STK33: variants seen among roughly 807,000 people sequenced by gnomAD.
STK33 encodes the protein serine/threonine-protein kinase 33.
A neutral mutation model predicts 58.0 loss-of-function variants in STK33; 52 were observed. That is an observed-to-expected ratio of 0.90 (90% CI 0.72 to 1.13). The LOEUF (loss-of-function observed/expected upper bound fraction) is 1.13. Among genes scored for constraint, STK33 ranks in the 50% most tolerant of loss-of-function variants. STK33 has a pLI of 0.00. For synonymous variants in STK33, 215 were observed against 200.1 expected, an observed-to-expected ratio of 1.07 and a Z score of -0.63; for missense variants, 630 against 604.2, an observed-to-expected ratio of 1.04 and a Z score of -0.45.
intron 1 of STK33, among the ~76,000 whole-genome samples, chr11:8,561,536 T>C (rs1215865130): frequency 6.6e-6 from 1 of 152,192 alleles, no homozygotes; most frequent in Non-Finnish European, 1.5e-5. Flanking sequence ...TTCAGTTCTT[T>C]TAGAATTCTG....
chr11:8,401,453 C>T (rs1351657869), intron 15 of STK33, among the ~76,000 whole-genome samples: 4 of 152,034 alleles, frequency 2.6e-5, no homozygotes, highest in African/African-American at 7.2e-5. Context: ...CCTTACACCT[C>T]ATATAAAAAT....
intron 11 of STK33, among the ~76,000 whole-genome samples, chr11:8,446,956 A>C (rs528942903): frequency 6.6e-6 from 1 of 152,338 alleles, no homozygotes; most frequent in Non-Finnish European, 1.5e-5. Flanking sequence ...ACAAAAGCCA[A>C]AATTGACAAA....
intron 1 of STK33, among the ~76,000 whole-genome samples, chr11:8,519,669 C>G (rs1046440247): frequency 8.6e-5 from 13 of 152,032 alleles, no homozygotes; most frequent in African/African-American, 3.1e-4. Flanking sequence ...ATATCACCAC[C>G]GATCCCACAG....
intron 11 of STK33, among the ~76,000 whole-genome samples, chr11:8,444,617 G>T (rs1262527113): frequency 2.0e-5 from 3 of 151,916 alleles, no homozygotes; most frequent in Non-Finnish European, 4.4e-5. Context: ...ATAACCACAG[G>T]TACACAGGAG....
chr11:8,354,331 A>G, the STK33 span, among the ~76,000 whole-genome samples: 11 of 151,034 alleles, frequency 7.3e-5, no homozygotes, highest in South Asian at 2.3e-3. Flanking sequence ...TCCTCATCCT[A>G]TTTCCCCAGA....
intron 1 of STK33, among the ~76,000 whole-genome samples, chr11:8,540,554 T>C (rs1333498779): frequency 6.6e-6 from 1 of 152,088 alleles, no homozygotes; most frequent in African/African-American, 2.4e-5. Flanking sequence ...AGGAATATTA[T>C]TCAACCTTAA....
At chr11:8,334,988 C>T in the STK33 span, among the ~76,000 whole-genome samples, 3 of 152,234 alleles carry the variant, frequency 2.0e-5, no homozygotes, top group African/African-American at 7.2e-5. Context: ...CATCGCAGTA[C>T]ACAGGCTGTA....
At chr11:8,533,742 T>C (rs12226478) in intron 1 of STK33, among the ~76,000 whole-genome samples, 61,113 of 152,058 alleles carry the variant, frequency 0.4, 12,543 homozygotes, top group South Asian at 0.57. Flanking sequence ...GAATTTGATA[T>C]GTAAAATAAA....
chr11:8,354,155 C>T, the STK33 span, among the ~76,000 whole-genome samples: 82 of 152,186 alleles, frequency 5.4e-4, no homozygotes, highest in African/African-American at 1.8e-3. Context: ...TGTTACCCAC[C>T]GTGTCTCCTC....
the STK33 span, among the ~76,000 whole-genome samples, chr11:8,362,914 C>CTCCCTCCT: frequency 2.1e-5 from 3 of 140,838 alleles, no homozygotes; most frequent in African/African-American, 8.0e-5. Context: ...CCCTTCCTTC[C>CTCCCTCCT]TTCCTCCCTC....
At chr11:8,390,745 C>T (rs1037060552), downstream of STK33, among the ~76,000 whole-genome samples, 1 of 152,146 alleles carries the variant, frequency 6.6e-6, no homozygotes, top group Non-Finnish European at 1.5e-5. Context: ...GACACACTAA[C>T]GTGTTATAAA....
At chr11:8,407,526 C>T (rs895799343) in intron 15 of STK33, among the ~76,000 whole-genome samples, 1 of 151,814 alleles carries the variant, frequency 6.6e-6, no homozygotes, top group African/African-American at 2.4e-5. Context: ...AAATACAGAA[C>T]GATTCAGATT....
chr11:8,560,295 T>A, intron 1 of STK33, among the ~76,000 whole-genome samples: 1 of 152,156 alleles, frequency 6.6e-6, no homozygotes, highest in East Asian at 1.9e-4. Flanking sequence ...TCTTTCTCAA[T>A]TTGATAAATG....
rs367990173 is a variant in STK33, at chr11:8,572,226, C to T, written c.-466+21857G>A. ...CAGAGAGGAAAGATATCTTAATACA[C>T]AGGGCAGCAAGTAGAATTTTCAGAA... On this transcript the variant is annotated intron_variant, in intron 1 of 15. Coordinates refer to ENST00000687296, the MANE Select transcript of STK33 (RefSeq NM_001352389.2). Among the ~76,000 whole-genome samples the T allele has an allele frequency of 4.3e-4, 65 of 152,136 alleles. 1 individual carries two copies. In the East Asian group the frequency reaches 5.0e-3, roughly 12 times the overall value.
chr11:8,386,811 A>T, the STK33 span, among the ~76,000 whole-genome samples: 2 of 152,216 alleles, frequency 1.3e-5, no homozygotes, highest in Non-Finnish European at 2.9e-5. Context: ...CCACCTGCTC[A>T]GCGGCACAGC....
downstream of STK33, among the ~76,000 whole-genome samples, chr11:8,389,997 T>C (rs1292802136): frequency 1.3e-5 from 2 of 152,160 alleles, no homozygotes; most frequent in African/African-American, 4.8e-5. Flanking sequence ...AGTGCTTCCC[T>C]CCTCTCGCTC....
chr11:8,398,215 G>C (rs144357997), intron 15 of STK33, among the ~76,000 whole-genome samples: 4,275 of 152,318 alleles, frequency 0.028, 99 homozygotes, highest in Middle Eastern at 0.051. Context: ...CAGAGGGAAA[G>C]GTCGGGTTAC....
intron 15 of STK33, among the ~76,000 whole-genome samples, chr11:8,398,758 T>C (rs1342048397): frequency 6.7e-6 from 1 of 148,532 alleles, no homozygotes; most frequent in Non-Finnish European, 1.5e-5. Context: ...AATAAAGGGA[T>C]GGAGGAAGAT....
chr11:8,347,756 G>A, the STK33 span, among the ~76,000 whole-genome samples: 22 of 152,346 alleles, frequency 1.4e-4, no homozygotes, highest in African/African-American at 5.1e-4. Flanking sequence ...AACAGCACAA[G>A]CCTCTAATAT....
Sources: allele counts gnomAD v4.1 joint callset (sites outside exome capture counted in the v4.1 genomes callset), GRCh38; gene constraint gnomAD v4.1.1; transcripts MANE v1.5; gene names NCBI Gene and HGNC (gene_info 2026-07-23, HGNC 2026-07-21).